The following RILPL2 variants were observed in gnomAD, a reference collection of about 807,000 sequenced individuals.
RILPL2 encodes the protein RILP-like protein 2.
In RILPL2, 19 loss-of-function variants were observed where a neutral mutation model predicts 22.2. The ratio of observed to expected loss-of-function variants is 0.86; its 90% CI spans 0.60 to 1.25. The LOEUF (loss-of-function observed/expected upper bound fraction) is 1.25. Among genes scored for constraint, RILPL2 ranks in the 50% most tolerant of loss-of-function variants. RILPL2 has a pLI of 0.00. For missense variants in RILPL2, 243 were observed against 263.6 expected (o/e 0.92, Z 0.54); for synonymous variants, 123 against 111.6 (o/e 1.10, Z -0.64).
At chr12:123,409,363 T>A in the RILPL2 span, 1 of 149,076 alleles carries the variant, frequency 6.7e-6, no homozygotes, top group Non-Finnish European at 1.5e-5. Context: ...AGGCCACGTG[T>A]GTGTCTTTCT....
intron 1 of RILPL2, among the ~76,000 whole-genome samples, chr12:123,431,570 T>A (rs1304669655): frequency 6.6e-6 from 1 of 152,052 alleles, no homozygotes; most frequent in Non-Finnish European, 1.5e-5. Context: ...ACGCCTGTTA[T>A]CCCAGCACTT....
At chr12:123,416,021 C>T (rs1879107638) in intron 3 of RILPL2, 100 bp from the exon 4 acceptor site, 1 of 1,192,232 alleles carries the variant, frequency 8.4e-7, no homozygotes, top group Admixed American at 1.7e-5. Context: ...CAGCTGTTGA[C>T]TCAAAAATAT....
intron 2 of RILPL2, among the ~76,000 whole-genome samples, chr12:123,425,872 G>C (rs1016072846): frequency 2.6e-5 from 4 of 151,718 alleles, no homozygotes. Context: ...GACTGGTCTC[G>C]AACTCCTGAC....
chr12:123,435,303 T>C (rs367615678), intron 1 of RILPL2, among the ~76,000 whole-genome samples: 68 of 152,316 alleles, frequency 4.5e-4, no homozygotes, highest in African/African-American at 1.4e-3. Flanking sequence ...CTCTGTTGCA[T>C]AGTATTCCAT....
downstream of RILPL2, chr12:123,414,430 G>A (rs1168332280): frequency 6.5e-6 from 1 of 153,196 alleles, no homozygotes. Context: ...CCAAGCCCAC[G>A]CCCACCCGGA....
chr12:123,416,596 T>C (rs28410896), intron 3 of RILPL2, among the ~76,000 whole-genome samples: 116,540 of 151,878 alleles, frequency 0.77, 45,204 homozygotes, highest in East Asian at 1. Context: ...GCCAAGATGG[T>C]GCCACTGCAC....
intron 2 of RILPL2, among the ~76,000 whole-genome samples, chr12:123,425,410 G>A (rs182057133): frequency 2.0e-5 from 3 of 151,666 alleles, no homozygotes; most frequent in Admixed American, 6.6e-5. Context: ...AACTCCTGAC[G>A]TCAAGTGATC....
chr12:123,415,015 A>G (rs1160703551), downstream of RILPL2: 1 of 152,084 alleles, frequency 6.6e-6, no homozygotes, highest in African/African-American at 2.4e-5. Flanking sequence ...CAAATGAGAT[A>G]ATCCACAGAG....
At chr12:123,431,580 T>C (rs1045964903) in intron 1 of RILPL2, among the ~76,000 whole-genome samples, 4 of 152,062 alleles carry the variant, frequency 2.6e-5, no homozygotes, top group African/African-American at 9.6e-5. Flanking sequence ...TCCCAGCACT[T>C]TGGGAGGCCG....
chr12:123,436,349 C>T lies in RILPL2; in HGVS notation c.72G>A (p.Gly24=). 1 of 1,560,458 alleles carries T rather than the reference C, an allele frequency of 6.4e-7. No individual in the cohort carries two copies. Among genetic ancestry groups the T allele is most frequent in the Non-Finnish European group, 8.7e-7 (1 of 1,152,282 alleles). The change falls in exon 1 of 4, where the codon GGG becomes GGA. Residue 24 remains glycine, a synonymous_variant. Coordinates refer to ENST00000280571, the MANE Select transcript of RILPL2 (RefSeq NM_145058.3). This position sits in a 1 kb window ranked among gnomAD's most constrained non-coding sequence, Gnocchi z 6.7. ...GEEDEERDEV[G]PEGALGKSPF... ...GGCTCTTGCCCAGCGCCCCCTCGGG[C>T]CCAACCTCGTCCCTCTCCTCGTCCT...
At chr12:123,430,352 T>G (rs1879600271) in intron 2 of RILPL2, among the ~76,000 whole-genome samples, 156 bp downstream of exon 2, 1 of 151,940 alleles carries the variant, frequency 6.6e-6, no homozygotes, top group Non-Finnish European at 1.5e-5. Flanking sequence ...GAGGTTGCAG[T>G]GAGCCGAGAT....
At chr12:123,423,881 C>T (rs1163942600) in intron 2 of RILPL2, among the ~76,000 whole-genome samples, 6 of 151,450 alleles carry the variant, frequency 4.0e-5, no homozygotes, top group Admixed American at 1.3e-4. Context: ...TCTCAATCTC[C>T]TGACCCAGTG....
At chr12:123,423,254 T>C in intron 2 of RILPL2, 97 bp from the exon 3 acceptor site, 1 of 775,154 alleles carries the variant, frequency 1.3e-6, no homozygotes, top group Non-Finnish European at 2.0e-6. Flanking sequence ...CAGGCTAGAG[T>C]GCAGTGGCGC....
chr12:123,413,198 CCA>C, downstream of RILPL2: 1 of 146,034 alleles, frequency 6.8e-6, no homozygotes, highest in South Asian at 1.5e-4. Flanking sequence ...TCCGTCCCCA[CCA>C]CCCCCCAAAA....
chr12:123,423,654 C>T (rs913742099), intron 2 of RILPL2, among the ~76,000 whole-genome samples: 30 of 147,416 alleles, frequency 2.0e-4, no homozygotes, highest in Non-Finnish European at 2.4e-4. Context: ...TGTGATGCCT[C>T]GTTTCTTTTT....
Position 123,415,571 on chromosome 12 carries a change from T to G in RILPL2, c.*320A>C, listed in dbSNP as rs1879093356. The G allele has an allele frequency of 5.1e-6, 2 of 395,360 alleles. No individual in the cohort carries two copies. The highest frequency in any genetic ancestry group is 4.2e-5 in the South Asian group (1 of 23,834). 24.5% of individuals were successfully genotyped at this position (395,360 alleles called of 1,614,324 possible). ...AGGGTCATCCGTGGGAGCAGATGAG[T>G]AGGACACGCGTCTGCACGCTGGAGG... On this transcript the variant is annotated 3_prime_UTR_variant, in exon 4 of 4. Transcript: ENST00000280571.
downstream of RILPL2, chr12:123,412,776 T>C (rs1194515104): frequency 1.2e-4 from 18 of 152,184 alleles, no homozygotes; most frequent in Admixed American, 1.2e-3. Context: ...TTATTACTAT[T>C]ATTAGGACTT....
At chr12:123,417,647 C>T (rs1593486963) in intron 3 of RILPL2, among the ~76,000 whole-genome samples, 1 of 152,100 alleles carries the variant, frequency 6.6e-6, no homozygotes, top group Admixed American at 6.5e-5. Context: ...TGCAATGGCA[C>T]GATCTCGGCT....
At chr12:123,424,883 CATTT>C (rs2139241857) in intron 2 of RILPL2, among the ~76,000 whole-genome samples, 1 of 151,432 alleles carries the variant, frequency 6.6e-6, no homozygotes, top group Non-Finnish European at 1.5e-5. Flanking sequence ...TAAAAATTTT[CATTT>C]ATTTATTTTT....
Sources: gnomAD v4.1 joint callset for allele counts (sites outside exome capture counted in the v4.1 genomes callset) on GRCh38, gnomAD v4.1.1 for gene constraint, Gnocchi (gnomAD v3.1) non-coding constraint, MANE v1.5 for transcripts, NCBI Gene and HGNC (gene_info 2026-07-23, HGNC 2026-07-21) for gene names.